The following KCTD15 variants were observed in gnomAD, a reference collection of about 807,000 sequenced individuals.
KCTD15 encodes the protein potassium channel tetramerization domain containing 15, also known as BTB/POZ domain-containing protein KCTD15.
A neutral mutation model predicts 27.2 loss-of-function variants in KCTD15; 11 were observed. That is an observed-to-expected ratio of 0.41 (90% confidence interval 0.25 to 0.67). The LOEUF is 0.67. KCTD15 is among the 30% of genes least tolerant of loss of function. KCTD15 has a pLI of 0.35. For missense variants in KCTD15, 350 were observed against 409.3 expected, an observed-to-expected ratio of 0.86 and a Z score of 1.25; for synonymous variants, 163 against 176.0, an observed-to-expected ratio of 0.93 and a Z score of 0.58.
chr19:33,807,574 TAGCC>T, intron 5 of KCTD15, among the ~76,000 whole-genome samples: 1 of 152,008 alleles, frequency 6.6e-6, no homozygotes, highest in Admixed American at 6.5e-5. Flanking sequence ...ATAGAAAAAT[TAGCC>T]AGGCGTGGTG....
intron 4 of KCTD15, chr19:33,801,645 C>T (rs1422754136): frequency 2.5e-5 from 7 of 282,180 alleles, no homozygotes; most frequent in East Asian, 1.2e-4. Flanking sequence ...CTGCCGGCAG[C>T]GGGCAGGGGA....
upstream of KCTD15, among the ~76,000 whole-genome samples, chr19:33,794,367 G>A (rs1975261672): frequency 6.6e-6 from 1 of 152,218 alleles, no homozygotes; most frequent in African/African-American, 2.4e-5. Flanking sequence ...GTTAAATCAT[G>A]AATACCCATA....
At position 33,812,861 on chromosome 19, in the gene KCTD15, G is replaced by T; in HGVS notation, c.765G>T (p.Gln255His). ...ASCGGGVDSS[Q>H]FSEYVLCREE... is the part of the protein sequence containing the mutation. ...GTGGGGGCGGTGTGGACTCCTCCCAGTTCAGCGAGTATGTGCTTTGCCGGG... is the reference window on the plus strand; with the variant it reads ...GTGGGGGCGGTGTGGACTCCTCCCATTTCAGCGAGTATGTGCTTTGCCGGG... Residue 255 changes from glutamine (Q) to histidine (H), a missense_variant, in exon 7 of 7, where the codon CAG becomes CAT. Transcript: ENST00000683859. 1 of 1,547,252 alleles carries T rather than the reference G, an allele frequency of 6.5e-7. No individual in the cohort carries two copies. Among genetic ancestry groups the T allele is most frequent in the South Asian group, 1.2e-5 (1 of 83,440 alleles).
Position 33,814,794 on chromosome 19 carries a change from T to C in KCTD15, c.*1846T>C, listed in dbSNP as rs1181690386. 6.6e-6 allele frequency: 1 copy of C among 152,220 alleles called. No individual in the cohort carries two copies. The allele number at this position is 152,220 out of a possible 1,614,324, so 9.4% of individuals were successfully genotyped here. Reference sequence around the variant, plus strand: ...GCATTTTTTCTCAAAGCCCTTATGTTCTAACCCATGAGAACCATTTTACCT... The same window carrying C: ...GCATTTTTTCTCAAAGCCCTTATGTCCTAACCCATGAGAACCATTTTACCT... On this transcript the variant is annotated 3_prime_UTR_variant, in exon 7 of 7. Transcript: ENST00000683859.
upstream of KCTD15, among the ~76,000 whole-genome samples, chr19:33,795,012 ACCCCTGCACAG>A: frequency 6.6e-6 from 1 of 152,198 alleles, no homozygotes; most frequent in African/African-American, 2.4e-5. Flanking sequence ...GCCCCTCCCA[ACCCCTGCACAG>A]ATCCCTGACC....
At chr19:33,810,839 C>A (rs772136648) in intron 5 of KCTD15, among the ~76,000 whole-genome samples, 8 of 151,580 alleles carry the variant, frequency 5.3e-5, no homozygotes, top group Non-Finnish European at 1.0e-4. Context: ...GCTGTGAGCT[C>A]CTAGGCCCGG....
chr19:33,807,019 G>T lies in KCTD15; in HGVS notation c.387+12G>T. ...CGGATGACTTTAAGGTAAGTCCATG[G>T]CTGGTGGCCCCCCTGCACTGCCTGT... is the stretch of plus-strand genomic sequence containing the variant. On this transcript the variant is annotated intron_variant, in intron 5 of 6. Transcript: ENST00000683859. 3 of 1,613,036 alleles carry T rather than the reference G, an allele frequency of 1.9e-6. No homozygotes were observed. The highest frequency in any genetic ancestry group is 2.5e-6 in the Non-Finnish European group (3 of 1,179,494).
intron 5 of KCTD15, among the ~76,000 whole-genome samples, chr19:33,807,453 G>A (rs1975748652): frequency 6.6e-6 from 1 of 152,216 alleles, no homozygotes; most frequent in South Asian, 2.1e-4. Context: ...GCCTGGAGCG[G>A]TGGCTCACGC....
At chr19:33,809,459 AC>A (rs1975818132) in intron 5 of KCTD15, among the ~76,000 whole-genome samples, 1 of 152,092 alleles carries the variant, frequency 6.6e-6, no homozygotes. Context: ...CCCGGGGTGG[AC>A]CAGGCTGTGG....
At position 33,813,617 on chromosome 19, in the gene KCTD15, C is replaced by A. The variant is rs531012474; in HGVS notation, c.*669C>A. 27 of 332,876 alleles carry A rather than the reference C, an allele frequency of 8.1e-5. No homozygotes were observed. The highest frequency in any genetic ancestry group is 1.5e-4 in the Non-Finnish European group (26 of 169,326). The allele number at this position is 332,876 out of a possible 1,614,324, so 20.6% of individuals were successfully genotyped here. On this transcript the variant is annotated 3_prime_UTR_variant, in exon 7 of 7. Coordinates refer to ENST00000683859, the MANE Select transcript of KCTD15 (RefSeq NM_001129994.2). ...GAGTGATTCTGTAACCACCTGAGACCTTCACGTTTGCTGCCGTTGGGGGCT... is the reference window on the plus strand; with the variant it reads ...GAGTGATTCTGTAACCACCTGAGACATTCACGTTTGCTGCCGTTGGGGGCT...
chr19:33,796,314 G>C (rs1302510845), upstream of KCTD15: 2 of 150,186 alleles, frequency 1.3e-5, no homozygotes, highest in African/African-American at 4.9e-5. Context: ...GGGCCTGGGC[G>C]CACCGCTCCC....
chr19:33,800,531 A>C lies in KCTD15; in HGVS notation c.66+11A>C, dbSNP rs767883271. ...AGCACCGGCACCGCGGTGAGCCTGC[A>C]GGGTGGGCTGGGTCCCTGCCGGGAG... On this transcript the variant is annotated intron_variant, in intron 3 of 6. Coordinates refer to ENST00000683859, the MANE Select transcript of KCTD15 (RefSeq NM_001129994.2). 1.9e-6 allele frequency: 3 copies of C among 1,583,368 alleles called. No individual in the cohort carries two copies. The African/African-American group carries it at 4.0e-5, about 21-fold the overall frequency.
upstream of KCTD15, among the ~76,000 whole-genome samples, chr19:33,795,404 T>TC (rs952591350): frequency 3.3e-5 from 5 of 151,218 alleles, no homozygotes; most frequent in Non-Finnish European, 7.4e-5. Context: ...GCACCCCGAG[T>TC]CCCCCTCACC....
intron 2 of KCTD15, among the ~76,000 whole-genome samples, chr19:33,800,048 G>A (rs915232278): frequency 6.6e-6 from 1 of 152,192 alleles, no homozygotes; most frequent in African/African-American, 2.4e-5. Flanking sequence ...GAGGAGACAC[G>A]CTTGGTAACA....
Position 33,806,900 on chromosome 19 carries a change from C to T in KCTD15, c.280C>T (p.Leu94=). ...RLFNGTEPIV[L]DSLKQHYFID... ...CTTCAATGGCACTGAACCCATCGTC[C>T]TGGACAGTTTGAAGCAACATTATTT... Residue 94 remains leucine (L), a synonymous_variant, in exon 5 of 7, where the codon CTG becomes TTG. Coordinates refer to ENST00000683859, the MANE Select transcript of KCTD15 (RefSeq NM_001129994.2). 1.9e-6 allele frequency: 3 copies of T among 1,614,208 alleles called. No individual in the cohort carries two copies. The highest frequency in any genetic ancestry group is 2.5e-6 in the Non-Finnish European group (3 of 1,180,036).
At chr19:33,811,583 G>A in intron 6 of KCTD15, 31 bp downstream of exon 6, 2 of 1,575,624 alleles carry the variant, frequency 1.3e-6, no homozygotes, top group Non-Finnish European at 8.6e-7. Flanking sequence ...CCTCCCCGCC[G>A]CACCCCCGGC....
In KCTD15 at chr19:33,806,911, G is replaced by T; in HGVS notation, c.291G>T (p.Leu97Phe). 1 of 1,614,194 alleles carries T rather than the reference G, an allele frequency of 6.2e-7. No homozygotes were observed. Among genetic ancestry groups the T allele is most frequent in the Non-Finnish European group, 8.5e-7 (1 of 1,180,042 alleles). ...NGTEPIVLDS[L>F]KQHYFIDRDG... ...CTGAACCCATCGTCCTGGACAGTTT[G>T]AAGCAACATTATTTCATTGACCGGG... The change falls in exon 5 of 7, where the codon TTG (leucine) becomes TTT (phenylalanine). Residue 97 changes from leucine (L) to phenylalanine (F), a missense_variant. Physicochemically the swap from Leu to Phe is conservative, Grantham distance 22. Transcript: ENST00000683859.
Position 33,813,434 on chromosome 19 carries a change from T to C in KCTD15, c.*486T>C. The C allele has an allele frequency of 2.2e-6, 1 of 456,766 alleles. No individual in the cohort carries two copies. Among genetic ancestry groups the C allele is most frequent in the South Asian group, 1.6e-5 (1 of 64,426 alleles). The allele number at this position is 456,766 out of a possible 1,614,324, so 28.3% of individuals were successfully genotyped here. A position where few individuals can be genotyped will look rare whatever the true frequency, so the allele number is the denominator to read the frequency against. ...TGACAAGGACCAATGCTTCTTTATC[T>C]GGTGCTCAGTTCTCAGTCAGACGTG... is the stretch of plus-strand genomic sequence containing the variant. On this transcript the variant is annotated 3_prime_UTR_variant, in exon 7 of 7. Coordinates refer to ENST00000683859, the MANE Select transcript of KCTD15 (RefSeq NM_001129994.2).
In KCTD15 at chr19:33,815,114, C is replaced by T. The variant is rs1976053609; in HGVS notation, c.*2166C>T. On this transcript the variant is annotated 3_prime_UTR_variant, in exon 7 of 7. Coordinates refer to ENST00000683859, the MANE Select transcript of KCTD15 (RefSeq NM_001129994.2). ...TGGATTTTTCTGATATAACAGCCAG[C>T]ATGGTTACCGAGTGGTAGAGATTCT... is the stretch of plus-strand genomic sequence containing the variant. 6.6e-6 allele frequency: 1 copy of T among 152,218 alleles called. No homozygotes were observed. The highest frequency in any genetic ancestry group is 2.1e-4 in the South Asian group (1 of 4,836). 9.4% of individuals were successfully genotyped at this position (152,218 alleles called of 1,614,324 possible).
Sources: gnomAD v4.1 joint callset for allele counts (sites outside exome capture counted in the v4.1 genomes callset) on GRCh38, gnomAD v4.1.1 for gene constraint, MANE v1.5 for transcripts, NCBI Gene and HGNC (gene_info 2026-07-23, HGNC 2026-07-21) for gene names.